The following TAPBP variants were observed in gnomAD, a reference collection of about 807,000 sequenced individuals.
TAPBP encodes TAP binding protein, also known as tapasin.
TAPBP carries 38 observed loss-of-function variants against 45.7 expected under a neutral mutation model. The ratio of observed to expected loss-of-function variants is 0.83; its 90% CI spans 0.64 to 1.09. The LOEUF (loss-of-function observed/expected upper bound fraction) is 1.09. TAPBP is among the 50% of genes least tolerant of loss of function. TAPBP has a pLI of 0.00. For missense variants in TAPBP, 513 were observed against 587.3 expected, an observed-to-expected ratio of 0.87 and a Z score of 1.31; for synonymous variants, 226 against 254.8, an observed-to-expected ratio of 0.89 and a Z score of 1.08.
In TAPBP at chr6:33,301,652, A is replaced by T; in HGVS notation, c.*108T>A. 1.1e-6 allele frequency: 1 copy of T among 919,926 alleles called. No individual in the cohort carries two copies. The highest frequency in any genetic ancestry group is 1.7e-6 in the Non-Finnish European group (1 of 576,086). The allele number at this position is 919,926 out of a possible 1,614,324, so 57.0% of individuals were successfully genotyped here. A position where few individuals can be genotyped will look rare whatever the true frequency, so the allele number is the denominator to read the frequency against. On this transcript the variant is annotated 3_prime_UTR_variant, in exon 8 of 8. Coordinates refer to ENST00000434618, the MANE Select transcript of TAPBP (RefSeq NM_003190.5). ...AAAGCATTCCAGCCACTCAGTGGAG[A>T]GAGATTGGAGGGATTAGGAGCAGAT...
In TAPBP at chr6:33,313,927, C is replaced by T. The variant is rs575993875; in HGVS notation, c.38-63G>A. Reference sequence around the variant, plus strand: ...GTCTGGTGACCTGCCCCACTCCCACCCTGGCATCGGCTCCAGTGGGGCCAC... The same window carrying T: ...GTCTGGTGACCTGCCCCACTCCCACTCTGGCATCGGCTCCAGTGGGGCCAC... On this transcript the variant is annotated intron_variant, in intron 1 of 7. Coordinates refer to ENST00000434618, the MANE Select transcript of TAPBP (RefSeq NM_003190.5). The surrounding 1 kb of genome is among the most constrained non-coding windows in gnomAD (Gnocchi z 7.2). 2 of 1,612,728 alleles carry T rather than the reference C, an allele frequency of 1.2e-6. No homozygotes were observed. Among genetic ancestry groups the T allele is most frequent in the Admixed American group, 3.3e-5 (2 of 60,012 alleles).
Position 33,305,817 on chromosome 6 carries a change from G to C in TAPBP, c.470-430C>G, listed in dbSNP as rs1260245375. Among the ~76,000 whole-genome samples the C allele has an allele frequency of 6.6e-6, 1 of 152,154 alleles. No homozygotes were observed. Among genetic ancestry groups the C allele is most frequent in the Non-Finnish European group, 1.5e-5 (1 of 68,028 alleles). On this transcript the variant is annotated intron_variant, in intron 3 of 7. Transcript: ENST00000434618. This position sits in a 1 kb window ranked among gnomAD's most constrained non-coding sequence, Gnocchi z 4.4. Reference sequence around the variant, plus strand: ...TTGAGCCATGACTGTCAGTCTTGTGGTGCTGTACAGAATATTTACTGACTC... The same window carrying C: ...TTGAGCCATGACTGTCAGTCTTGTGCTGCTGTACAGAATATTTACTGACTC...
At chr6:33,303,136 T>G (rs898977917) in intron 7 of TAPBP, among the ~76,000 whole-genome samples, 4 of 151,950 alleles carry the variant, frequency 2.6e-5, no homozygotes, top group Admixed American at 6.6e-5. Context: ...AATATTGTGG[T>G]CGGGTGCAGC....
chr6:33,299,868 G>A lies in TAPBP; in HGVS notation c.*1892C>T, dbSNP rs2150951468. ...GGGCCTTAGGTCCCTATGCCGGCGCGGGGTTACAGCAGTGGACAGACAGGC... is the reference window on the plus strand; with the variant it reads ...GGGCCTTAGGTCCCTATGCCGGCGCAGGGTTACAGCAGTGGACAGACAGGC... On this transcript the variant is annotated 3_prime_UTR_variant, in exon 8 of 8. Coordinates refer to ENST00000434618, the MANE Select transcript of TAPBP (RefSeq NM_003190.5). This position sits in a 1 kb window ranked among gnomAD's most constrained non-coding sequence, Gnocchi z 5.0. 1 of 152,612 alleles carries A rather than the reference G, an allele frequency of 6.6e-6. No individual in the cohort carries two copies. Among genetic ancestry groups the A allele is most frequent in the African/African-American group, 2.4e-5 (1 of 41,570 alleles). 9.5% of individuals were successfully genotyped at this position (152,612 alleles called of 1,614,324 possible). A position where few individuals can be genotyped will look rare whatever the true frequency, so the allele number is the denominator to read the frequency against.
rs774544113 is a variant in TAPBP at position 33,313,388 on chromosome 6, G to A, written c.298C>T (p.Pro100Ser). 7.4e-6 allele frequency: 12 copies of A among 1,612,028 alleles called. No individual in the cohort carries two copies. In the South Asian group the frequency reaches 1.2e-4, roughly 16 times the overall value. The stretch of plus-strand genomic sequence containing the variant: ...CCGCTGGCCCATTTCGCAGAGGCGG[G>A]GAGAGGCACGAAGCGGCTCATCTCG... ...HCEMSRFVPL[P>S]ASAKWASGLT... Residue 100 changes from proline to serine, a missense_variant, in exon 3 of 8, where the codon CCC (proline) becomes TCC (serine). Pro to Ser is a moderately conservative substitution (Grantham distance 74). Transcript: ENST00000434618. This position sits in a 1 kb window ranked among gnomAD's most constrained non-coding sequence, Gnocchi z 7.2.
Position 33,313,982 on chromosome 6 carries a change from G to A in TAPBP, c.37+23C>T. ...CTCCGCTTCCCTCTAGTTCTTGGGCGATGAGTCGCGGGGTTCGCTCACCCA... is the reference window on the plus strand; with the variant it reads ...CTCCGCTTCCCTCTAGTTCTTGGGCAATGAGTCGCGGGGTTCGCTCACCCA... On this transcript the variant is annotated intron_variant, in intron 1 of 7. Transcript: ENST00000434618. This position sits in a 1 kb window ranked among gnomAD's most constrained non-coding sequence, Gnocchi z 7.2. 1 of 1,613,928 alleles carries A rather than the reference G, an allele frequency of 6.2e-7. No individual in the cohort carries two copies. The highest frequency in any genetic ancestry group is 8.5e-7 in the Non-Finnish European group (1 of 1,180,016).
intron 3 of TAPBP, among the ~76,000 whole-genome samples, chr6:33,310,717 A>G (rs1769287829): frequency 6.6e-6 from 1 of 151,372 alleles, no homozygotes; most frequent in South Asian, 2.1e-4. Flanking sequence ...TACTCAGGAG[A>G]CTGAGGCACG....
At position 33,305,326 on chromosome 6, in the gene TAPBP, C is replaced by CAG; in HGVS notation, c.529_530dup (p.Leu178CysfsTer4). 6.4e-7 allele frequency: 1 copy of CAG among 1,556,956 alleles called. No individual in the cohort carries two copies. The highest frequency in any genetic ancestry group is 2.2e-5 in the East Asian group (1 of 44,544). ...GCATGTAGGCAAAGCTCAAGTCCAG[C>CAG]AGAGCATCTTGTCCCAGTCTCACTC... On this transcript the variant is annotated frameshift_variant, in exon 4 of 8. Transcript: ENST00000434618. LOFTEE classifies it high-confidence loss of function. This position sits in a 1 kb window ranked among gnomAD's most constrained non-coding sequence, Gnocchi z 4.4.
In TAPBP at chr6:33,304,885, T is replaced by C. The variant is rs972721331; in HGVS notation, c.868+104A>G. 7.9e-6 allele frequency: 12 copies of C among 1,512,238 alleles called. No individual in the cohort carries two copies. In the African/African-American group the frequency reaches 1.5e-4, roughly 19 times the overall value. The allele number at this position is 1,512,238 out of a possible 1,614,324, so 93.7% of individuals were successfully genotyped here. A position where few individuals can be genotyped will look rare whatever the true frequency, so the allele number is the denominator to read the frequency against. ...CCCAGGAACCTCTTTCTATCTCTAC[T>C]TACTTGCCCAGGCACCCTCTTATCC... On this transcript the variant is annotated intron_variant, in intron 4 of 7. Transcript: ENST00000434618.
At position 33,299,795 on chromosome 6, in the gene TAPBP, C is replaced by G. The variant is rs1312739731; in HGVS notation, c.*1965G>C. On this transcript the variant is annotated 3_prime_UTR_variant, in exon 8 of 8. Transcript: ENST00000434618. The surrounding 1 kb of genome is among the most constrained non-coding windows in gnomAD (Gnocchi z 5.0). ...CTCGGAGATCCCTGAGCTGCGCCGCCGCTTCCTTCGTCAACATCCAGCAGC... is the reference window on the plus strand; with the variant it reads ...CTCGGAGATCCCTGAGCTGCGCCGCGGCTTCCTTCGTCAACATCCAGCAGC... 2.6e-5 allele frequency: 4 copies of G among 152,402 alleles called. No individual in the cohort carries two copies. The allele number at this position is 152,402 out of a possible 1,614,324, so 9.4% of individuals were successfully genotyped here. A position where few individuals can be genotyped will look rare whatever the true frequency, so the allele number is the denominator to read the frequency against.
rs1393648008 is a variant in TAPBP, at chr6:33,304,157, A to G, written c.1271T>C (p.Leu424Pro). The G allele has an allele frequency of 6.2e-7, 1 of 1,613,440 alleles. No individual in the cohort carries two copies. The highest frequency in any genetic ancestry group is 8.5e-7 in the Non-Finnish European group (1 of 1,179,874). ...VGLFLSAFLL[L>P]GLFKALGWAA... ...CCAGCCCAGTGCCTTGAAGAGCCCA[A>G]GCAGAAGAAAGGCAGACAGGAAAAG... The change falls in exon 6 of 8, where the codon CTT (leucine) becomes CCT (proline). Residue 424 changes from leucine (L) to proline (P), a missense_variant. Leu to Pro is a moderately conservative substitution (Grantham distance 98). Coordinates refer to ENST00000434618, the MANE Select transcript of TAPBP (RefSeq NM_003190.5).
intron 3 of TAPBP, among the ~76,000 whole-genome samples, chr6:33,309,781 G>A (rs556532223): frequency 7.3e-6 from 1 of 136,592 alleles, no homozygotes; most frequent in South Asian, 2.4e-4. Flanking sequence ...CTGGAGTGCA[G>A]TGGCATGATC....
In TAPBP at chr6:33,306,978, C is replaced by CAAAA. The variant is rs553964427; in HGVS notation, c.470-1595_470-1592dup. On this transcript the variant is annotated intron_variant, in intron 3 of 7. Coordinates refer to ENST00000434618, the MANE Select transcript of TAPBP (RefSeq NM_003190.5). ...GGGCAATAAGAGGGAAACCCCGTTT[C>CAAAA]AAAAAAAAAAAAAAAAATCCCAAAT... 9.8e-3 allele frequency among the ~76,000 whole-genome samples: 1,235 copies of CAAAA among 126,290 alleles called. 9 individuals carry two copies. Among genetic ancestry groups the CAAAA allele is most frequent in the Non-Finnish European group, 0.014 (857 of 59,414 alleles). 82.9% of individuals were successfully genotyped at this position (126,290 alleles called of 152,430 possible). A position where few individuals can be genotyped will look rare whatever the true frequency, so the allele number is the denominator to read the frequency against.
In TAPBP at chr6:33,313,826, C is replaced by A; in HGVS notation, c.76G>T (p.Glu26Ter). The A allele has an allele frequency of 6.2e-7, 1 of 1,613,872 alleles. No homozygotes were observed. The highest frequency in any genetic ancestry group is 8.5e-7 in the Non-Finnish European group (1 of 1,180,036). The change falls in exon 2 of 8, where the codon GAG becomes TAG. Residue 26 changes from glutamate to a stop codon, truncating the protein, a stop_gained. Transcript: ENST00000434618. LOFTEE classifies it high-confidence loss of function. The surrounding 1 kb of genome is among the most constrained non-coding windows in gnomAD (Gnocchi z 7.2). ...CTCGCATCCTCCACGAACCAACACT[C>A]GATCACCGCGGGTCCTGCTGAGACG... The part of the protein sequence containing the change: ...TAVSAGPAVI[E>*]CWFVEDASGK...
intron 4 of TAPBP, 71 bp downstream of exon 4, chr6:33,304,918 C>T: frequency 6.4e-7 from 1 of 1,572,484 alleles, no homozygotes; most frequent in Non-Finnish European, 8.6e-7. Context: ...TCCATCATCC[C>T]TCCCCCTATT....
At position 33,301,545 on chromosome 6, in the gene TAPBP, G is replaced by A. The variant is rs1768582727; in HGVS notation, c.*215C>T. 14 of 577,052 alleles carry A rather than the reference G, an allele frequency of 2.4e-5. No homozygotes were observed. Among genetic ancestry groups the A allele is most frequent in the Middle Eastern group, 4.5e-4 (1 of 2,206 alleles). 35.7% of individuals were successfully genotyped at this position (577,052 alleles called of 1,614,324 possible). A position where few individuals can be genotyped will look rare whatever the true frequency, so the allele number is the denominator to read the frequency against. ...GCCAAGATCATGCCACTGCACTGCA[G>A]CCTGGGCGGAAGAGTGAGACTCCGT... On this transcript the variant is annotated 3_prime_UTR_variant, in exon 8 of 8. Coordinates refer to ENST00000434618, the MANE Select transcript of TAPBP (RefSeq NM_003190.5).
In TAPBP at chr6:33,305,452, T is replaced by C; in HGVS notation, c.470-65A>G. 2.1e-6 allele frequency: 3 copies of C among 1,450,730 alleles called. No individual in the cohort carries two copies. Among genetic ancestry groups the C allele is most frequent in the Non-Finnish European group, 2.7e-6 (3 of 1,095,528 alleles). The allele number at this position is 1,450,730 out of a possible 1,614,324, so 89.9% of individuals were successfully genotyped here. On this transcript the variant is annotated intron_variant, in intron 3 of 7. Transcript: ENST00000434618. This position sits in a 1 kb window ranked among gnomAD's most constrained non-coding sequence, Gnocchi z 4.4. ...AGGGAGAGAAAGAAGGAGAAAAAAA[T>C]AGAGAAATGCAGTTATTGGGGAGGG...
intron 3 of TAPBP, among the ~76,000 whole-genome samples, chr6:33,307,607 G>A (rs1213247551): frequency 6.6e-6 from 1 of 151,838 alleles, no homozygotes; most frequent in African/African-American, 2.4e-5. Flanking sequence ...TCACCATGTT[G>A]CCCAGGCTGG....
At position 33,313,642 on chromosome 6, in the gene TAPBP, GT is replaced by G. The variant is rs945677066; in HGVS notation, c.208+51del. 6 of 1,580,572 alleles carry G rather than the reference GT, an allele frequency of 3.8e-6. No homozygotes were observed. The highest frequency in any genetic ancestry group is 5.2e-6 in the Non-Finnish European group (6 of 1,160,526). On this transcript the variant is annotated intron_variant, in intron 2 of 7. Coordinates refer to ENST00000434618, the MANE Select transcript of TAPBP (RefSeq NM_003190.5). This position sits in a 1 kb window ranked among gnomAD's most constrained non-coding sequence, Gnocchi z 7.2. ...CACTGCCGGATCTAAAGAGGAGGGG[GT>G]TTCGGTGGAGGCGACAGAGGTAGGG...
Sources: gnomAD v4.1 joint callset for allele counts (sites outside exome capture counted in the v4.1 genomes callset) on GRCh38, gnomAD v4.1.1 for gene constraint, Gnocchi (gnomAD v3.1) non-coding constraint, MANE v1.5 for transcripts, NCBI Gene and HGNC (gene_info 2026-07-23, HGNC 2026-07-21) for gene names.